MROH1: variants seen among roughly 807,000 people sequenced by gnomAD.
MROH1 encodes the protein maestro heat-like repeat-containing protein family member 1.
MROH1 carries 117 observed loss-of-function variants against 116.5 expected under a neutral mutation model. The ratio of observed to expected loss-of-function variants is 1.00; its 90% CI spans 0.86 to 1.17. The LOEUF (loss-of-function observed/expected upper bound fraction) is 1.17. Among genes scored for constraint, MROH1 ranks in the 50% most tolerant of loss-of-function variants. The pLI is 0.00. For synonymous variants in MROH1, 921 were observed against 583.9 expected (o/e 1.58, Z -8.32); for missense variants, 1,873 against 1,338.5 (o/e 1.40, Z -6.23).
intron 12 of MROH1, among the ~76,000 whole-genome samples, chr8:144,206,885 A>G (rs1426704298): frequency 6.6e-6 from 1 of 151,246 alleles, no homozygotes; most frequent in Admixed American, 6.6e-5. Flanking sequence ...ATACAAAAAA[A>G]TGCCAGGTGT....
At chr8:144,200,322 C>T (rs1478912327) in intron 11 of MROH1, 106 bp from the exon 12 acceptor site, 2 of 905,046 alleles carry the variant, frequency 2.2e-6, no homozygotes, top group Non-Finnish European at 3.3e-6. Context: ...CACCTTCACA[C>T]AGCAACTCTC....
intron 12 of MROH1, among the ~76,000 whole-genome samples, chr8:144,215,693 A>T (rs1446601089): frequency 6.6e-6 from 1 of 151,468 alleles, no homozygotes; most frequent in African/African-American, 2.4e-5. Context: ...AACACGGTGA[A>T]ACCCCATCTC....
intron 12 of MROH1, among the ~76,000 whole-genome samples, chr8:144,209,989 C>T (rs1833740929): frequency 6.6e-6 from 1 of 151,472 alleles, no homozygotes; most frequent in Non-Finnish European, 1.5e-5. Flanking sequence ...AAGACAACAA[C>T]ATCAGATCTA....
intron 31 of MROH1, among the ~76,000 whole-genome samples, chr8:144,248,060 C>T (rs1315903583): frequency 2.6e-5 from 4 of 152,210 alleles, no homozygotes; most frequent in African/African-American, 9.7e-5. Context: ...GGTGTTGTCC[C>T]CAGAGGCTAC....
At chr8:144,252,927 G>A (rs1843078781) in intron 33 of MROH1, among the ~76,000 whole-genome samples, 1 of 151,920 alleles carries the variant, frequency 6.6e-6, no homozygotes, top group African/African-American at 2.4e-5. Flanking sequence ...TTGCACTCCA[G>A]CCTGGGCAAC....
chr8:144,234,498 G>GTTTTTGTTTTTTTTTTTTTTT lies in MROH1; in HGVS notation c.1339-4253_1339-4252insGTTTTTTTTTTTTTTTTTTTT, dbSNP rs1839621583. On this transcript the variant is annotated intron_variant, in intron 14 of 43. Coordinates refer to ENST00000326134, the MANE Select transcript of MROH1 (RefSeq NM_032450.3). ...AATGGAATTATTTTCTTTCTTTTTC[G>GTTTTTGTTTTTTTTTTTTTTT]TTTTTTTTTTTTTTTTTTTTTTTTT... Among the ~76,000 whole-genome samples the GTTTTTGTTTTTTTTTTTTTTT allele has an allele frequency of 7.7e-4, 14 of 18,090 alleles. 1 individual carries two copies. Among genetic ancestry groups the GTTTTTGTTTTTTTTTTTTTTT allele is most frequent in the Non-Finnish European group, 1.1e-3 (9 of 8,124 alleles). The allele number at this position is 18,090 out of a possible 152,430, so 11.9% of individuals were successfully genotyped here. A position where few individuals can be genotyped will look rare whatever the true frequency, so the allele number is the denominator to read the frequency against.
At chr8:144,251,331 T>C (rs1490515833) in intron 33 of MROH1, 1 of 152,316 alleles carries the variant, frequency 6.6e-6, no homozygotes, top group Non-Finnish European at 1.5e-5. Context: ...TCTTGCATGG[T>C]AAATAGCTGC....
rs2130052557 is a variant in MROH1, at chr8:144,260,201, C to A, written c.4207C>A (p.Pro1403Thr). 2.2e-5 allele frequency: 17 copies of A among 765,272 alleles called. 1 individual carries two copies. In the East Asian group the frequency reaches 4.1e-4, roughly 19 times the overall value. 47.4% of individuals were successfully genotyped at this position (765,272 alleles called of 1,614,324 possible). A position where few individuals can be genotyped will look rare whatever the true frequency, so the allele number is the denominator to read the frequency against. The change falls in exon 39 of 44, where the codon CCC becomes ACC. Residue 1403 changes from proline (P) to threonine (T), a missense_variant. Pro to Thr is a conservative substitution (Grantham distance 38, BLOSUM62 -1). Coordinates refer to ENST00000326134, the MANE Select transcript of MROH1 (RefSeq NM_032450.3). ...GTATCCTCAGGTGCGAACCCACGGCCCCCAGCTCCTCACAGCCATGATTGG... is the reference window on the plus strand; with the variant it reads ...GTATCCTCAGGTGCGAACCCACGGCACCCAGCTCCTCACAGCCATGATTGG... ...GCPDKVRTHG[P>T]QLLTAMIGGL...
rs988437577 is a variant in MROH1, at chr8:144,154,531, G to A, written c.-176-6439G>A. ...AAACTGCTCATGTGGGGGTGATGGCGTCCCACGGTGTGTTAAGCAGATACA... is the reference window on the plus strand; with the variant it reads ...AAACTGCTCATGTGGGGGTGATGGCATCCCACGGTGTGTTAAGCAGATACA... On this transcript the variant is annotated intron_variant, in intron 1 of 43. Transcript: ENST00000326134. Among the ~76,000 whole-genome samples, 381 of 152,298 alleles carry A rather than the reference G, an allele frequency of 2.5e-3. 1 individual carries two copies. Among genetic ancestry groups the A allele is most frequent in the Admixed American group, 3.7e-3 (56 of 15,292 alleles).
chr8:144,203,397 A>AG (rs1187051253), intron 12 of MROH1, among the ~76,000 whole-genome samples: 1 of 123,698 alleles, frequency 8.1e-6, no homozygotes, highest in South Asian at 2.7e-4. Context: ...TACTCTGTAG[A>AG]GGGTCCTGGA....
chr8:144,261,355 CACCCCTCCACGGG>C lies in MROH1; in HGVS notation c.4840+7_4840+19del, dbSNP rs2130132925. Reference sequence around the variant, plus strand: ...CCTGGACCAGCTCATTGCGGGTGAGCACCCCTCCACGGGGCCCCTCCGCTGGGCCCTGCTGACC... The same window carrying C: ...CCTGGACCAGCTCATTGCGGGTGAGCGCCCCTCCGCTGGGCCCTGCTGACC... On this transcript the variant is annotated splice_region_variant and intron_variant, in intron 43 of 43. Transcript: ENST00000326134. 8 of 704,070 alleles carry C rather than the reference CACCCCTCCACGGG, an allele frequency of 1.1e-5. No individual in the cohort carries two copies. The East Asian group carries it at 2.1e-4, about 19-fold the overall frequency. 43.6% of individuals were successfully genotyped at this position (704,070 alleles called of 1,614,324 possible). A position where few individuals can be genotyped will look rare whatever the true frequency, so the allele number is the denominator to read the frequency against.
chr8:144,168,654 C>T (rs1349261828), intron 4 of MROH1, among the ~76,000 whole-genome samples: 1 of 152,188 alleles, frequency 6.6e-6, no homozygotes, highest in Non-Finnish European at 1.5e-5. Flanking sequence ...CCCACCACGG[C>T]ACTGTTCAAC....
At position 144,167,546 on chromosome 8, in the gene MROH1, A is replaced by G. The variant is rs1216011891; in HGVS notation, c.23-749A>G. Among the ~76,000 whole-genome samples, 823 of 107,288 alleles carry G rather than the reference A, an allele frequency of 7.7e-3. 4 individuals are homozygous for G. The highest frequency in any genetic ancestry group is 9.6e-3 in the Non-Finnish European group (482 of 50,194). 70.4% of individuals were successfully genotyped at this position (107,288 alleles called of 152,430 possible). ...TGGCCGGTTGTGGGGTGGAGTGGCC[A>G]GTTGTTGGGTGGAGTGACTGGTTGT... On this transcript the variant is annotated intron_variant, in intron 3 of 43. Coordinates refer to ENST00000326134, the MANE Select transcript of MROH1 (RefSeq NM_032450.3).
chr8:144,217,041 T>C (rs1009812426), intron 12 of MROH1, among the ~76,000 whole-genome samples: 2 of 152,180 alleles, frequency 1.3e-5, no homozygotes, highest in Non-Finnish European at 2.9e-5. Context: ...CTTATTGAGC[T>C]GGGTGTGGTG....
chr8:144,186,922 G>A (rs747371065), intron 7 of MROH1, among the ~76,000 whole-genome samples: 4 of 151,830 alleles, frequency 2.6e-5, no homozygotes, highest in Non-Finnish European at 4.4e-5. Flanking sequence ...GTGAAACCCC[G>A]TCTCAACTAA....
Position 144,180,361 on chromosome 8 carries a change from C to T in MROH1, c.463+21C>T. On this transcript the variant is annotated intron_variant, in intron 6 of 43. Coordinates refer to ENST00000326134, the MANE Select transcript of MROH1 (RefSeq NM_032450.3). This position sits in a 1 kb window ranked among gnomAD's most constrained non-coding sequence, Gnocchi z 7.4. ...CAACGGTAGGTGACGCGCGGCCTGC[C>T]CCAGGAGGAGCACGGGGCGCTGGAA... The T allele has an allele frequency of 6.2e-7, 1 of 1,608,340 alleles. No individual in the cohort carries two copies. The highest frequency in any genetic ancestry group is 8.5e-7 in the Non-Finnish European group (1 of 1,178,732).
At chr8:144,236,851 G>A (rs1288393066) in intron 14 of MROH1, among the ~76,000 whole-genome samples, 3 of 144,524 alleles carry the variant, frequency 2.1e-5, no homozygotes, top group South Asian at 4.4e-4. Context: ...TGATATTGCT[G>A]TACTTAGTTC....
chr8:144,214,999 C>T (rs1003461026), intron 12 of MROH1, among the ~76,000 whole-genome samples: 2 of 152,178 alleles, frequency 1.3e-5, no homozygotes, highest in Non-Finnish European at 2.9e-5. Flanking sequence ...TTTCCACATT[C>T]TTCTTCCCGC....
chr8:144,259,226 GCC>G lies in MROH1; in HGVS notation c.3930-10_3930-9del, dbSNP rs1475762042. 9.8e-6 allele frequency: 7 copies of G among 712,166 alleles called. No individual in the cohort carries two copies. The highest frequency in any genetic ancestry group is 1.7e-5 in the African/African-American group (1 of 57,180). The allele number at this position is 712,166 out of a possible 1,614,324, so 44.1% of individuals were successfully genotyped here. The stretch of plus-strand genomic sequence containing the variant: ...AGCAACAGCCCCTGCACCCTCAGCG[GCC>G]CCCTTTCCCAGGGCCATGGCTGAGC... On this transcript the variant is annotated splice_polypyrimidine_tract_variant and intron_variant, in intron 36 of 43. Coordinates refer to ENST00000326134, the MANE Select transcript of MROH1 (RefSeq NM_032450.3).
Sources: allele counts gnomAD v4.1 joint callset (sites outside exome capture counted in the v4.1 genomes callset), GRCh38; gene constraint gnomAD v4.1.1; non-coding constraint Gnocchi (gnomAD v3.1); transcripts MANE v1.5; gene names NCBI Gene and HGNC (gene_info 2026-07-23, HGNC 2026-07-21).